Variants in ICA1 observed in about 807,000 individuals in gnomAD.
ICA1 encodes the protein 69 kDa islet cell autoantigen.
ICA1 carries 40 observed loss-of-function variants against 71.0 expected under a neutral mutation model. That is an observed-to-expected ratio of 0.56 (90% CI 0.44 to 0.73). The LOEUF (loss-of-function observed/expected upper bound fraction) is 0.73, where lower values mean the gene tolerates loss of function less well. Among genes scored for constraint, ICA1 ranks in the 30% least tolerant of loss-of-function variants. The probability of loss-of-function intolerance (pLI) is 0.00; values close to 1 mark genes in which losing one functional copy is unlikely to be tolerated. For synonymous variants in ICA1, 207 were observed against 209.5 expected (o/e 0.99, Z 0.10); for missense variants, 578 against 576.5 (o/e 1.00, Z -0.03).
chr7:8,247,299 TAGA>T (rs1436297004), intron 1 of ICA1, among the ~76,000 whole-genome samples: 1 of 151,654 alleles, frequency 6.6e-6, no homozygotes, highest in Non-Finnish European at 1.5e-5. Flanking sequence ...AAAAAATAAT[TAGA>T]AGAAGAAATT....
chr7:8,151,833 G>A (rs751655919), intron 8 of ICA1, among the ~76,000 whole-genome samples: 42 of 151,900 alleles, frequency 2.8e-4, no homozygotes, highest in Non-Finnish European at 3.5e-4. Flanking sequence ...CTAGAATGAC[G>A]TTCCATCTAA....
intron 6 of ICA1, among the ~76,000 whole-genome samples, chr7:8,203,168 C>T (rs568003848): frequency 6.6e-6 from 1 of 152,092 alleles, no homozygotes; most frequent in Non-Finnish European, 1.5e-5. Flanking sequence ...TCTAGATAAA[C>T]AAAATAAGTA....
chr7:8,164,404 G>T (rs1805117349), intron 6 of ICA1, among the ~76,000 whole-genome samples: 1 of 151,574 alleles, frequency 6.6e-6, no homozygotes, highest in African/African-American at 2.4e-5. Context: ...GGAAAATACT[G>T]CTCTGATCCA....
chr7:8,144,909 T>C lies in ICA1; in HGVS notation c.805-937A>G, dbSNP rs1026824473. On this transcript the variant is annotated intron_variant, in intron 8 of 13. Transcript: ENST00000402384. The surrounding 1 kb of genome is among the most constrained non-coding windows in gnomAD (Gnocchi z 4.5). ...TTCTCCTGCCTATCGTTCACTTGTC[T>C]GACACACATAGGAGGCAATCAGGTT... 3.3e-5 allele frequency among the ~76,000 whole-genome samples: 5 copies of C among 152,234 alleles called. No homozygotes were observed. The highest frequency in any genetic ancestry group is 1.2e-4 in the African/African-American group (5 of 41,468).
intron 12 of ICA1, among the ~76,000 whole-genome samples, chr7:8,133,509 A>G (rs1299052303): frequency 1.3e-5 from 2 of 152,208 alleles, no homozygotes; most frequent in Non-Finnish European, 2.9e-5. Flanking sequence ...TTGATCTCCC[A>G]AAGTGCTAGG....
At chr7:8,237,629 A>G (rs545304844) in intron 1 of ICA1, among the ~76,000 whole-genome samples, 12 of 152,206 alleles carry the variant, frequency 7.9e-5, no homozygotes, top group Middle Eastern at 3.4e-3. Flanking sequence ...CCACTATTCT[A>G]GTTTCTGATT....
intron 6 of ICA1, among the ~76,000 whole-genome samples, chr7:8,194,267 C>T (rs569152509): frequency 3.2e-4 from 49 of 152,182 alleles, no homozygotes; most frequent in African/African-American, 1.1e-3. Flanking sequence ...ATCTTTGGGG[C>T]GGTGGGGTTG....
intron 1 of ICA1, among the ~76,000 whole-genome samples, chr7:8,244,458 G>C (rs574694651): frequency 6.6e-6 from 1 of 152,284 alleles, no homozygotes; most frequent in African/African-American, 2.4e-5. Context: ...AAAAACCCTA[G>C]AGGAAAACCT....
chr7:8,175,940 CA>C (rs1213049348), intron 6 of ICA1, among the ~76,000 whole-genome samples: 2 of 152,192 alleles, frequency 1.3e-5, no homozygotes, highest in Admixed American at 6.5e-5. Flanking sequence ...CCTGCCTCGT[CA>C]GTCTTTGGTT....
intron 12 of ICA1, among the ~76,000 whole-genome samples, chr7:8,137,929 T>G (rs1027488173): frequency 4.6e-5 from 7 of 152,184 alleles, no homozygotes; most frequent in African/African-American, 1.7e-4. Context: ...CCTGGTTGAC[T>G]GGGGCCTGCA....
At chr7:8,203,853 A>G (rs1474999145) in intron 6 of ICA1, among the ~76,000 whole-genome samples, 1 of 151,962 alleles carries the variant, frequency 6.6e-6, no homozygotes, top group Non-Finnish European at 1.5e-5. Context: ...GGCCTTTGTG[A>G]TGTCTACTTT....
At position 8,214,081 on chromosome 7, in the gene ICA1, A is replaced by G. The variant is rs1794664967; in HGVS notation, c.579+4224T>C. On this transcript the variant is annotated intron_variant, in intron 6 of 13. Transcript: ENST00000402384. ...CGCTTGTCCTTGTCTATGAGGACTC[A>G]GACTCCTATAAATGCCCACGTATAC... Among the ~76,000 whole-genome samples the G allele has an allele frequency of 1.3e-5, 2 of 152,230 alleles. 1 individual carries two copies. Among genetic ancestry groups the G allele is most frequent in the Admixed American group, 1.3e-4 (2 of 15,288 alleles).
intron 8 of ICA1, among the ~76,000 whole-genome samples, chr7:8,152,882 C>A (rs1284698199): frequency 5.4e-5 from 1 of 18,602 alleles, no homozygotes; most frequent in Non-Finnish European, 1.3e-4. Context: ...CCATCACCTC[C>A]ACCACCACTA....
intron 12 of ICA1, among the ~76,000 whole-genome samples, chr7:8,138,346 C>T (rs1434769205): frequency 1.3e-5 from 2 of 152,200 alleles, no homozygotes; most frequent in African/African-American, 4.8e-5. Context: ...ACTATCTCAA[C>T]TCATGACCAT....
At chr7:8,153,496 CT>C (rs150967690) in intron 8 of ICA1, among the ~76,000 whole-genome samples, 61 of 151,494 alleles carry the variant, frequency 4.0e-4, no homozygotes, top group South Asian at 1.3e-3. Context: ...CTTATGAGGT[CT>C]TTTTTTTTCC....
Position 8,133,846 on chromosome 7 carries a change from CTTTTTT to C in ICA1, c.1060+4988_1060+4993del, listed in dbSNP as rs57086182. Among the ~76,000 whole-genome samples, 43 of 118,874 alleles carry C rather than the reference CTTTTTT, an allele frequency of 3.6e-4. 1 individual carries two copies. Among genetic ancestry groups the C allele is most frequent in the South Asian group, 8.2e-4 (3 of 3,674 alleles). 78.0% of individuals were successfully genotyped at this position (118,874 alleles called of 152,430 possible). On this transcript the variant is annotated intron_variant, in intron 12 of 13. Transcript: ENST00000402384. ...ATTTGTCCCAGTGAGAAAAATCATA[CTTTTTT>C]TTTTTTTTTTTTTTGCAACCAATAG...
chr7:8,216,910 G>A (rs1201507174), intron 6 of ICA1, among the ~76,000 whole-genome samples: 2 of 152,202 alleles, frequency 1.3e-5, no homozygotes, highest in Non-Finnish European at 2.9e-5. Context: ...CAAATGATAA[G>A]CACTCTGCCC....
chr7:8,221,245 C>A, intron 5 of ICA1, 30 bp downstream of exon 5: 2 of 1,612,540 alleles, frequency 1.2e-6, no homozygotes, highest in Non-Finnish European at 1.7e-6. Flanking sequence ...TCAGATCCCC[C>A]CAGATAGAAC....
rs180951739 is a variant in ICA1, at chr7:8,239,484, G to A, written c.-79-3479C>T. The stretch of plus-strand genomic sequence containing the variant: ...GTCTGCAGCTCCCAGCGTGGCTGAC[G>A]CAGAAGATGGGTGATTTCTGCATTT... On this transcript the variant is annotated intron_variant, in intron 1 of 13. Coordinates refer to ENST00000402384, the MANE Select transcript of ICA1 (RefSeq NM_001136020.3). Among the ~76,000 whole-genome samples, 212 of 152,304 alleles carry A rather than the reference G, an allele frequency of 1.4e-3. 2 individuals are homozygous for A. The highest frequency in any genetic ancestry group is 4.9e-3 in the African/African-American group (203 of 41,566).
Sources: gnomAD v4.1 joint callset for allele counts (sites outside exome capture counted in the v4.1 genomes callset) on GRCh38, gnomAD v4.1.1 for gene constraint, Gnocchi (gnomAD v3.1) non-coding constraint, MANE v1.5 for transcripts, NCBI Gene and HGNC (gene_info 2026-07-23, HGNC 2026-07-21) for gene names.